The following KRT36 variants were observed in gnomAD, a reference collection of about 807,000 sequenced individuals.
KRT36 encodes the protein keratin 36, also known as keratin, type I cuticular Ha6.
In KRT36, 41 loss-of-function variants were observed where a neutral mutation model predicts 43.0. The ratio of observed to expected loss-of-function variants is 0.95; its 90% CI spans 0.74 to 1.24. The LOEUF is 1.24. Among genes scored for constraint, KRT36 ranks in the 50% most tolerant of loss-of-function variants. KRT36 has a pLI of 0.00. For synonymous variants in KRT36, 277 were observed against 252.9 expected, an observed-to-expected ratio of 1.10 and a Z score of -0.90; for missense variants, 627 against 595.3, an observed-to-expected ratio of 1.05 and a Z score of -0.55.
In KRT36 at chr17:41,489,881, G is replaced by A; in HGVS notation, c.-17C>T. The A allele has an allele frequency of 6.2e-7, 1 of 1,602,052 alleles. No homozygotes were observed. Among genetic ancestry groups the A allele is most frequent in the Non-Finnish European group, 8.5e-7 (1 of 1,171,438 alleles). On this transcript the variant is annotated 5_prime_UTR_variant, in exon 1 of 7. Coordinates refer to ENST00000328119, the MANE Select transcript of KRT36 (RefSeq NM_003771.5). ...GGTGGCCATGGTGCTAGCAGAGGAA[G>A]GTTGCAGCTTAGCAAGGAGCTCAGG...
chr17:41,488,458 C>G, intron 2 of KRT36, 59 bp from the exon 3 acceptor site: 1 of 1,590,162 alleles, frequency 6.3e-7, no homozygotes, highest in Admixed American at 1.7e-5. Context: ...CAGCAGGGAC[C>G]CCTGCCCTAC....
chr17:41,489,841 AG>A lies in KRT36; in HGVS notation c.23del (p.Pro8LeufsTer93). 7 of 1,613,042 alleles carry A rather than the reference AG, an allele frequency of 4.3e-6. No individual in the cohort carries two copies. Among genetic ancestry groups the A allele is most frequent in the Non-Finnish European group, 5.9e-6 (7 of 1,179,718 alleles). On this transcript the variant is annotated frameshift_variant, in exon 1 of 7. Transcript: ENST00000328119. LOFTEE classifies it high-confidence loss of function. MATQTCT[P>X]TFSTGSIKGL... ...CCTTGATAGACCCAGTGGAGAAGGT[AG>A]GGGTGCAGGTCTGGGTGGCCATGGT...
rs1368358818 is a variant in KRT36, at chr17:41,487,685, T to C, written c.752A>G (p.Asp251Gly). ...GTTGAGATCCACTGGGGGAGCAGCG[T>C]CCACCTCCACATTCAGTCGGTCCCC... is the stretch of plus-strand genomic sequence containing the variant. ...QLGDRLNVEV[D>G]AAPPVDLNKI... is the part of the protein sequence containing the mutation. The change falls in exon 4 of 7, where the codon GAC becomes GGC. Residue 251 changes from aspartate (D) to glycine (G), a missense_variant. Asp to Gly is a moderately conservative substitution (Grantham distance 94, BLOSUM62 -1). Transcript: ENST00000328119. The C allele has an allele frequency of 6.2e-7, 1 of 1,614,128 alleles. No individual in the cohort carries two copies.
At position 41,487,181 on chromosome 17, in the gene KRT36, A is replaced by C. The variant is rs1904412661; in HGVS notation, c.988-11T>G. 8.7e-6 allele frequency: 14 copies of C among 1,609,246 alleles called. No homozygotes were observed. Among genetic ancestry groups the C allele is most frequent in the Non-Finnish European group, 1.2e-5 (14 of 1,176,714 alleles). On this transcript the variant is annotated splice_polypyrimidine_tract_variant and intron_variant, in intron 5 of 6. Transcript: ENST00000328119. The stretch of plus-strand genomic sequence containing the variant: ...TTCCAAGGAATTCCGCTGCAATGGG[A>C]AAGAGGAAGAGCTGCCTATTGGGGA...
chr17:41,489,318 A>T, intron 1 of KRT36, 88 bp downstream of exon 1: 1 of 1,396,712 alleles, frequency 7.2e-7, no homozygotes, highest in East Asian at 2.3e-5. Context: ...CCTAAAAGCT[A>T]CCGTCCCATC....
chr17:41,486,262 G>T lies in KRT36; in HGVS notation c.*114C>A. 1 of 768,652 alleles carries T rather than the reference G, an allele frequency of 1.3e-6. No homozygotes were observed. The allele number at this position is 768,652 out of a possible 1,614,324, so 47.6% of individuals were successfully genotyped here. On this transcript the variant is annotated 3_prime_UTR_variant, in exon 7 of 7. Transcript: ENST00000328119. The stretch of plus-strand genomic sequence containing the variant: ...GGGGAGTGTTTTGGTAGAAAAACCT[G>T]CTAAGCGTAGGGGGACCCCTCTAGA...
intron 1 of KRT36, 32 bp downstream of exon 1, chr17:41,489,374 G>C (rs1039521508): frequency 6.2e-7 from 1 of 1,600,090 alleles, no homozygotes; most frequent in Non-Finnish European, 8.5e-7. Context: ...GAGTTGGGCT[G>C]CTCAGCTGGA....
chr17:41,486,344 C>T lies in KRT36; in HGVS notation c.*32G>A, dbSNP rs750760384. On this transcript the variant is annotated 3_prime_UTR_variant, in exon 7 of 7. Coordinates refer to ENST00000328119, the MANE Select transcript of KRT36 (RefSeq NM_003771.5). ...ACAGGGGTGTCCTCCTTCCTGTGGT[C>T]AGGGCCCTGCCCTGGTGGACCAAGT... The T allele has an allele frequency of 3.7e-6, 6 of 1,602,584 alleles. No individual in the cohort carries two copies. In the South Asian group the frequency reaches 5.6e-5, roughly 15 times the overall value.
At chr17:41,488,813 C>T in intron 1 of KRT36, 89 bp from the exon 2 acceptor site, 1 of 1,044,214 alleles carries the variant, frequency 9.6e-7, no homozygotes, top group Non-Finnish European at 1.5e-6. Context: ...GAGGCCATGC[C>T]ACTGTGTACC....
chr17:41,486,911 G>T lies in KRT36; in HGVS notation c.1208+39C>A. ...TTGACGCCCTCCACATGGCACTGAG[G>T]GTTCAGTCAAGCCCTACCCCAGCCC... On this transcript the variant is annotated intron_variant, in intron 6 of 6. Transcript: ENST00000328119. 4 of 1,574,470 alleles carry T rather than the reference G, an allele frequency of 2.5e-6. No homozygotes were observed. The South Asian group carries it at 3.4e-5, about 13-fold the overall frequency.
At position 41,488,395 on chromosome 17, in the gene KRT36, C is replaced by G; in HGVS notation, c.547G>C (p.Glu183Gln). Residue 183 changes from glutamate (E) to glutamine (Q), a missense_variant, in exon 3 of 7, where the codon GAG becomes CAG. Glu to Gln is a conservative substitution (Grantham distance 29). Transcript: ENST00000328119. Reference sequence around the variant, plus strand: ...AGCTGCCGCAGAGACAGCTCTGTCTCATACCTGCACACACAGAACCCTGCC... The same window carrying G: ...AGCTGCCGCAGAGACAGCTCTGTCTGATACCTGCACACACAGAACCCTGCC... ...LAADDFRTKY[E>Q]TELSLRQLVE... 6.2e-7 allele frequency: 1 copy of G among 1,613,702 alleles called. No individual in the cohort carries two copies. Among genetic ancestry groups the G allele is most frequent in the Non-Finnish European group, 8.5e-7 (1 of 1,179,686 alleles).
chr17:41,487,253 G>A lies in KRT36; in HGVS notation c.988-83C>T. On this transcript the variant is annotated intron_variant, in intron 5 of 6. Coordinates refer to ENST00000328119, the MANE Select transcript of KRT36 (RefSeq NM_003771.5). ...CCCACAGCCCTGGGCATCTGCCTAC[G>A]GCCTGTGATCACACCCCATGAGAGC... 2.5e-6 allele frequency: 4 copies of A among 1,576,690 alleles called. No individual in the cohort carries two copies. In the South Asian group the frequency reaches 3.5e-5, roughly 14 times the overall value.
At position 41,489,675 on chromosome 17, in the gene KRT36, G is replaced by A. The variant is rs375069940; in HGVS notation, c.190C>T (p.Pro64Ser). The change falls in exon 1 of 7, where the codon CCT (proline) becomes TCT (serine). Residue 64 changes from proline (P) to serine (S), a missense_variant. Pro to Ser is a moderately conservative substitution (Grantham distance 74, BLOSUM62 -1). Transcript: ENST00000328119. ...CACTCAGAAGACAGGTAGGAGCCAG[G>A]CAAGCAGCTCCCAAGGCCAGAGAGG... ...SGLSGLGSCL[P>S]GSYLSSECHT... The A allele has an allele frequency of 2.5e-6, 4 of 1,614,048 alleles. No individual in the cohort carries two copies. Among genetic ancestry groups the A allele is most frequent in the South Asian group, 1.1e-5 (1 of 91,094 alleles).
intron 2 of KRT36, 79 bp downstream of exon 2, chr17:41,488,563 C>A: frequency 6.5e-7 from 1 of 1,529,708 alleles, no homozygotes; most frequent in Non-Finnish European, 9.1e-7. Flanking sequence ...AGCCTTATTC[C>A]CACATCACCA....
chr17:41,486,480 T>G lies in KRT36; in HGVS notation c.1300A>C (p.Thr434Pro). Reference sequence around the variant, plus strand: ...TGAGTGCCAACCTGGGGAGCCGGGGTGCAGGGCACAGAGGGGACACAGGGC... The same window carrying G: ...TGAGTGCCAACCTGGGGAGCCGGGGGGCAGGGCACAGAGGGGACACAGGGC... ...PVPCVPSVPCTPAPQVGTQIR... is the reference protein window; with the variant it reads ...PVPCVPSVPCPPAPQVGTQIR... Residue 434 changes from threonine (T) to proline (P), a missense_variant, in exon 7 of 7, where the codon ACC becomes CCC. Thr to Pro is a conservative substitution (Grantham distance 38). Transcript: ENST00000328119. 6.2e-7 allele frequency: 1 copy of G among 1,613,666 alleles called. No individual in the cohort carries two copies. Among genetic ancestry groups the G allele is most frequent in the Non-Finnish European group, 8.5e-7 (1 of 1,179,848 alleles).
chr17:41,487,417 C>T lies in KRT36; in HGVS notation c.921G>A (p.Thr307=), dbSNP rs775119662. The change falls in exon 5 of 7, where the codon ACG becomes ACA. Residue 307 remains threonine, a synonymous_variant. Transcript: ENST00000328119. ...SSSEQLQCCQ[T]EIIELRRTVN... ...CCGTACGTCTCAGCTCGATGATCTC[C>T]GTCTGGCAGCACTGCAGCTGCTCCG... The T allele has an allele frequency of 4.3e-6, 7 of 1,614,030 alleles. No individual in the cohort carries two copies. In the East Asian group the frequency reaches 1.6e-4, roughly 36 times the overall value.
In KRT36 at chr17:41,488,671, G is replaced by A. The variant is rs1904475236; in HGVS notation, c.513C>T (p.Ala171=). ...NARLVLQIDN[A]KLAADDFRTK... Reference sequence around the variant, plus strand: ...TCCGGAAGTCGTCAGCAGCCAGCTTGGCATTATCAATCTGCAGGACCAGCC... The same window carrying A: ...TCCGGAAGTCGTCAGCAGCCAGCTTAGCATTATCAATCTGCAGGACCAGCC... The change falls in exon 2 of 7, where the codon GCC becomes GCT. Residue 171 remains alanine, a synonymous_variant. Coordinates refer to ENST00000328119, the MANE Select transcript of KRT36 (RefSeq NM_003771.5). The A allele has an allele frequency of 1.2e-6, 2 of 1,614,182 alleles. No individual in the cohort carries two copies. Among genetic ancestry groups the A allele is most frequent in the African/African-American group, 2.7e-5 (2 of 75,046 alleles).
chr17:41,488,409 C>T lies in KRT36; in HGVS notation c.543-10G>A, dbSNP rs773011338. 5.6e-6 allele frequency: 9 copies of T among 1,611,906 alleles called. No homozygotes were observed. Among genetic ancestry groups the T allele is most frequent in the Non-Finnish European group, 7.6e-6 (9 of 1,178,502 alleles). On this transcript the variant is annotated splice_polypyrimidine_tract_variant and intron_variant, in intron 2 of 6. Transcript: ENST00000328119. ...CAGCTCTGTCTCATACCTGCACACA[C>T]AGAACCCTGCCAAGTCTGCAGCAAA... is the stretch of plus-strand genomic sequence containing the variant.
intron 4 of KRT36, 32 bp from the exon 5 acceptor site, chr17:41,487,508 C>A: frequency 6.2e-7 from 1 of 1,613,416 alleles, no homozygotes; most frequent in South Asian, 1.1e-5. Context: ...AGAGCATGGT[C>A]AAACCAAGCT....
Sources: gnomAD v4.1 joint callset for allele counts on GRCh38, gnomAD v4.1.1 for gene constraint, MANE v1.5 for transcripts, NCBI Gene and HGNC (gene_info 2026-07-23, HGNC 2026-07-21) for gene names.